Variants in ZNF831 observed in about 807,000 individuals in gnomAD.
ZNF831 encodes the protein chromosome 20 open reading frame 174.
Under a neutral mutation model 95.8 loss-of-function variants are expected in ZNF831, and 59 were observed. That is an observed-to-expected ratio of 0.62 (90% CI 0.50 to 0.77). The LOEUF is 0.77. ZNF831 is among the 30% of genes least tolerant of loss of function. The pLI is 0.00. For synonymous variants in ZNF831, 961 were observed against 925.5 expected (o/e 1.04, Z -0.70); for missense variants, 2,205 against 2,164.0 (o/e 1.02, Z -0.38).
chr20:59,146,647 C>T (rs1385065320), intron 2 of ZNF831: 1 of 152,320 alleles, frequency 6.6e-6, no homozygotes, highest in Non-Finnish European at 1.5e-5. Context: ...AAGGTGCCGT[C>T]CTGCCTTTGA....
chr20:59,180,517 C>T (rs556684968), intron 1 of ZNF831, among the ~76,000 whole-genome samples: 1 of 152,198 alleles, frequency 6.6e-6, no homozygotes, highest in Non-Finnish European at 1.5e-5. Flanking sequence ...GTCTCCCTCC[C>T]CTTCCCCCCC....
rs149134161 is a variant in ZNF831 at position 59,203,256 on chromosome 20, C to T, written c.3876-3649C>T. Among the ~76,000 whole-genome samples, 738 of 152,276 alleles carry T rather than the reference C, an allele frequency of 4.8e-3. 2 individuals are homozygous for T. Among genetic ancestry groups the T allele is most frequent in the African/African-American group, 0.016 (678 of 41,552 alleles). On this transcript the variant is annotated intron_variant, in intron 3 of 5. Transcript: ENST00000371030. ...TGTTTATAAAGACAACTATGGACCA[C>T]GGGTTAAATATGGTTTTTAACTTAT... is the stretch of plus-strand genomic sequence containing the variant.
chr20:59,126,598 C>T (rs190777610), intron 1 of ZNF831, among the ~76,000 whole-genome samples: 3 of 152,346 alleles, frequency 2.0e-5, no homozygotes, highest in East Asian at 1.9e-4. Context: ...TGCCTGCTCC[C>T]GTCTCCAGCT....
At chr20:59,199,323 A>G (rs1984366915) in intron 3 of ZNF831, among the ~76,000 whole-genome samples, 1 of 152,154 alleles carries the variant, frequency 6.6e-6, no homozygotes, top group Admixed American at 6.6e-5. Flanking sequence ...ATGTTATATA[A>G]CAATATATAG....
At chr20:59,176,361 T>C (rs2146506907) in intron 1 of ZNF831, among the ~76,000 whole-genome samples, 1 of 152,322 alleles carries the variant, frequency 6.6e-6, no homozygotes, top group Admixed American at 6.5e-5. Context: ...TTTGGGGATG[T>C]GATGGCCTTC....
At position 59,257,207 on chromosome 20, in the gene ZNF831, T is replaced by TA. The variant is rs1988227038; in HGVS notation, c.*2465dup. Reference sequence around the variant, plus strand: ...TTCGTCTCTAACTCCCTGTATCTCTTACAAAGGTAAAGCAGGTAGCGAAGC... The same window carrying TA: ...TTCGTCTCTAACTCCCTGTATCTCTTAACAAAGGTAAAGCAGGTAGCGAAGC... On this transcript the variant is annotated 3_prime_UTR_variant, in exon 6 of 6. Transcript: ENST00000371030. 1 of 152,254 alleles carries TA rather than the reference T, an allele frequency of 6.6e-6. No homozygotes were observed. Among genetic ancestry groups the TA allele is most frequent in the South Asian group, 2.1e-4 (1 of 4,836 alleles). 9.4% of individuals were successfully genotyped at this position (152,254 alleles called of 1,614,324 possible).
intron 1 of ZNF831, among the ~76,000 whole-genome samples, chr20:59,136,174 G>A (rs886181447): frequency 1.3e-5 from 2 of 152,172 alleles, no homozygotes; most frequent in Non-Finnish European, 2.9e-5. Flanking sequence ...TTCAAGGCCA[G>A]CATAGGCTGT....
rs933864922 is a variant in ZNF831, at chr20:59,194,276, G to A, written c.3257G>A (p.Arg1086Lys). 7.4e-6 allele frequency: 12 copies of A among 1,613,926 alleles called. No homozygotes were observed. The highest frequency in any genetic ancestry group is 1.0e-5 in the Non-Finnish European group (12 of 1,180,020). Reference sequence around the variant, plus strand: ...CTCTGCATGGGCAGCACTTTGGCAAGGGCCAGGCTCTCTGGGGATGTCCTG... The same window carrying A: ...CTCTGCATGGGCAGCACTTTGGCAAAGGCCAGGCTCTCTGGGGATGTCCTG... ...HRLCMGSTLA[R>K]ARLSGDVLNP... The change falls in exon 2 of 6, where the codon AGG becomes AAG. Residue 1086 changes from arginine to lysine, a missense_variant. Coordinates refer to ENST00000371030, the MANE Select transcript of ZNF831 (RefSeq NM_178457.3).
chr20:59,194,236 C>T lies in ZNF831; in HGVS notation c.3217C>T (p.His1073Tyr), dbSNP rs185535109. The T allele has an allele frequency of 4.0e-4, 642 of 1,613,886 alleles. 1 individual carries two copies. The highest frequency in any genetic ancestry group is 4.9e-4 in the Non-Finnish European group (575 of 1,179,946). The change falls in exon 2 of 6, where the codon CAC becomes TAC. Residue 1073 changes from histidine to tyrosine, a missense_variant. Transcript: ENST00000371030. ...HLVQDMEGDS[H>Y]RIHRLCMGST... ...AGTTCAGGACATGGAGGGTGACAGC[C>T]ACCGTATCCATCGCCTCTGCATGGG... is the stretch of plus-strand genomic sequence containing the variant.
intron 1 of ZNF831, among the ~76,000 whole-genome samples, chr20:59,166,307 C>G (rs1687324867): frequency 6.6e-6 from 1 of 152,176 alleles, no homozygotes; most frequent in African/African-American, 2.4e-5. Context: ...GACTCACACA[C>G]TGGGAAGGTT....
intron 1 of ZNF831, among the ~76,000 whole-genome samples, chr20:59,131,119 C>T (rs775230682): frequency 2.0e-5 from 3 of 152,124 alleles, no homozygotes; most frequent in Admixed American, 6.5e-5. Flanking sequence ...TGCTAGACTC[C>T]CAGCATTAAC....
intron 4 of ZNF831, among the ~76,000 whole-genome samples, chr20:59,226,829 C>G (rs1986459415): frequency 6.6e-6 from 1 of 151,866 alleles, no homozygotes; most frequent in Non-Finnish European, 1.5e-5. Context: ...ATGGAGTTTT[C>G]AGAGCGTAGC....
In ZNF831 at chr20:59,254,403, C is replaced by A. The variant is rs2146769073; in HGVS notation, c.4694C>A (p.Thr1565Asn). 1.2e-6 allele frequency: 2 copies of A among 1,614,172 alleles called. 1 individual carries two copies. The highest frequency in any genetic ancestry group is 4.5e-5 in the East Asian group (2 of 44,868). The change falls in exon 6 of 6, where the codon ACT becomes AAT. Residue 1565 changes from threonine (T) to asparagine (N), a missense_variant. Thr to Asn is a moderately conservative substitution (Grantham distance 65). Transcript: ENST00000371030. The surrounding 1 kb of genome is among the most constrained non-coding windows in gnomAD (Gnocchi z 4.5). ...DSVPLESTEK[T>N]HLEIPASGPS... is the part of the protein sequence containing the mutation. ...GTTCCACTGGAGTCAACTGAAAAAA[C>A]TCATCTTGAAATACCAGCTTCAGGA... is the stretch of plus-strand genomic sequence containing the variant.
intron 1 of ZNF831, among the ~76,000 whole-genome samples, chr20:59,135,717 C>T (rs566998776): frequency 2.5e-4 from 38 of 151,856 alleles, no homozygotes; most frequent in Admixed American, 3.3e-4. Flanking sequence ...GGTGACAGAG[C>T]GAGACTCCAT....
rs980733673 is a variant in ZNF831 at position 59,166,599 on chromosome 20, A to T, written c.-37+2392A>T. Reference sequence around the variant, plus strand: ...TCTCTCTCTCCCCCCCAACCCCTTAACCCCAAGCAATCACTAGTCTGTCCT... The same window carrying T: ...TCTCTCTCTCCCCCCCAACCCCTTATCCCCAAGCAATCACTAGTCTGTCCT... On this transcript the variant is annotated intron_variant, in intron 1 of 5. Coordinates refer to ENST00000371030, the MANE Select transcript of ZNF831 (RefSeq NM_178457.3). Among the ~76,000 whole-genome samples the T allele has an allele frequency of 2.6e-5, 4 of 151,868 alleles. 1 individual carries two copies. Among genetic ancestry groups the T allele is most frequent in the Admixed American group, 1.3e-4 (2 of 15,226 alleles).
chr20:59,195,848 C>T (rs2146608341), intron 2 of ZNF831, 21 bp from the exon 3 acceptor site: 1 of 1,606,608 alleles, frequency 6.2e-7, no homozygotes, highest in Non-Finnish European at 8.5e-7. Context: ...AATGTGATGC[C>T]AACATGCTTG....
chr20:59,246,000 G>C (rs2146737292), intron 4 of ZNF831, among the ~76,000 whole-genome samples: 1 of 152,178 alleles, frequency 6.6e-6, no homozygotes, highest in African/African-American at 2.4e-5. Flanking sequence ...ATACATCTCT[G>C]GCACAAAGGT....
rs117470987 is a variant in ZNF831, at chr20:59,154,587, G to A, written c.-1280-5065G>A. On this transcript the variant is annotated intron_variant, in intron 2 of 7. Coordinates refer to the ZNF831 transcript ENST00000637017. ...CTGCTTCTCTTAATGACTTTCTCTC[G>A]GAGACAAGTCCTATGCCACTTGGAA... Among the ~76,000 whole-genome samples the A allele has an allele frequency of 2.0e-3, 305 of 152,162 alleles. 9 individuals carry two copies. Among genetic ancestry groups the A allele is most frequent in the Admixed American group, 2.4e-3 (37 of 15,282 alleles).
At chr20:59,253,714 GT>G (rs1988021542) in intron 5 of ZNF831, among the ~76,000 whole-genome samples, 183 bp from the exon 6 acceptor site, 1 of 152,162 alleles carries the variant, frequency 6.6e-6, no homozygotes, top group Non-Finnish European at 1.5e-5. Context: ...CTTTATTCGA[GT>G]TAATGCACCA....
Sources: gnomAD v4.1 joint callset for allele counts (sites outside exome capture counted in the v4.1 genomes callset) on GRCh38, gnomAD v4.1.1 for gene constraint, Gnocchi (gnomAD v3.1) non-coding constraint, MANE v1.5 for transcripts, NCBI Gene and HGNC (gene_info 2026-07-23, HGNC 2026-07-21) for gene names.